The following ESR1 variants were observed in gnomAD, a reference collection of about 807,000 sequenced individuals.
ESR1 encodes the protein estrogen receptor 1.
Under a neutral mutation model 52.7 loss-of-function variants are expected in ESR1, and 12 were observed. The observed-to-expected ratio is 0.23, with a 90% CI of 0.15 to 0.37. The LOEUF is 0.37. Ranked by LOEUF, ESR1 falls within the 10% of genes least tolerant of loss-of-function variation. The pLI is 1.00. For missense variants in ESR1, 584 were observed against 779.7 expected, an observed-to-expected ratio of 0.75 and a Z score of 2.99; for synonymous variants, 305 against 316.8, an observed-to-expected ratio of 0.96 and a Z score of 0.39.
At chr6:151,838,799 C>T (rs774593778) in intron 1 of ESR1, among the ~76,000 whole-genome samples, 17 of 152,106 alleles carry the variant, frequency 1.1e-4, no homozygotes, top group Admixed American at 4.6e-4. Context: ...TCCCCGTCTT[C>T]TTTAGATGCC....
chr6:151,714,828 C>G (rs1339256259), intron 2 of ESR1, among the ~76,000 whole-genome samples: 2 of 152,074 alleles, frequency 1.3e-5, no homozygotes, highest in Non-Finnish European at 2.9e-5. Context: ...GGGCATTTAA[C>G]CTGTTTACAT....
intron 6 of ESR1, among the ~76,000 whole-genome samples, chr6:152,108,392 A>G (rs1196289479): frequency 6.6e-6 from 1 of 152,150 alleles, no homozygotes; most frequent in Non-Finnish European, 1.5e-5. Flanking sequence ...AATTTCAGCA[A>G]TTTTTCAATA....
intron 2 of ESR1, among the ~76,000 whole-genome samples, chr6:151,779,911 A>AG (rs2128120231): frequency 6.9e-6 from 1 of 143,928 alleles, no homozygotes; most frequent in African/African-American, 2.6e-5. Context: ...AAAAAAAAAA[A>AG]AAAAAAAAAG....
chr6:151,820,720 T>C (rs532508526), intron 1 of ESR1, among the ~76,000 whole-genome samples: 1 of 152,378 alleles, frequency 6.6e-6, no homozygotes, highest in South Asian at 2.1e-4. Flanking sequence ...TCTTAGACTG[T>C]GTCCCGAGGC....
intron 5 of ESR1, among the ~76,000 whole-genome samples, chr6:152,048,361 CAA>C (rs1180207041): frequency 1.4e-3 from 87 of 62,274 alleles, no homozygotes; most frequent in African/African-American, 5.4e-3. Context: ...GACACCATCT[CAA>C]AAAAAAAAAA....
At chr6:152,056,311 G>T (rs2047097454) in intron 5 of ESR1, among the ~76,000 whole-genome samples, 1 of 152,178 alleles carries the variant, frequency 6.6e-6, no homozygotes, top group African/African-American at 2.4e-5. Flanking sequence ...ATTTTGAACA[G>T]CATCTTAATT....
At chr6:151,876,550 T>TAATG in intron 2 of ESR1, among the ~76,000 whole-genome samples, 1 of 152,154 alleles carries the variant, frequency 6.6e-6, no homozygotes, top group East Asian at 1.9e-4. Flanking sequence ...ACTTTCTGTG[T>TAATG]AATGACAACA....
chr6:151,690,264 C>T (rs533705590), upstream of ESR1, among the ~76,000 whole-genome samples: 27 of 152,030 alleles, frequency 1.8e-4, no homozygotes, highest in Middle Eastern at 3.4e-3. Flanking sequence ...AGCTTTATTA[C>T]GAATAAAGAG....
At chr6:151,898,377 T>G (rs1341997127) in intron 3 of ESR1, among the ~76,000 whole-genome samples, 1 of 151,490 alleles carries the variant, frequency 6.6e-6, no homozygotes, top group Non-Finnish European at 1.5e-5. Context: ...TCTTGGAGGT[T>G]TTGTTCATTT....
chr6:152,114,845 C>A (rs962881349), intron 6 of ESR1, among the ~76,000 whole-genome samples: 4 of 133,428 alleles, frequency 3.0e-5, no homozygotes, highest in East Asian at 2.5e-4. Flanking sequence ...GAGCCGAGAT[C>A]GCGCCACTGC....
intron 4 of ESR1, among the ~76,000 whole-genome samples, chr6:151,962,645 C>G (rs1440633282): frequency 6.6e-6 from 1 of 152,250 alleles, no homozygotes; most frequent in Non-Finnish European, 1.5e-5. Flanking sequence ...CTTCTTACCA[C>G]AGCCCCCTAT....
chr6:151,657,366 A>G (rs1777490734), intron 1 of ESR1, among the ~76,000 whole-genome samples: 1 of 152,222 alleles, frequency 6.6e-6, no homozygotes. Context: ...ACATTACATT[A>G]TAATAGTTTT....
intron 2 of ESR1, among the ~76,000 whole-genome samples, chr6:151,712,896 G>A (rs1223365374): frequency 6.6e-6 from 1 of 152,154 alleles, no homozygotes; most frequent in South Asian, 2.1e-4. Context: ...TGGTGAAAGA[G>A]GATATCCTTG....
chr6:151,857,352 G>A lies in ESR1; in HGVS notation c.643+14565G>A, dbSNP rs562656907. ...TGCGTAGGTTATATGCAAATATTAT[G>A]TCATTTTATATAAGGGACTTAAACA... is the stretch of plus-strand genomic sequence containing the variant. On this transcript the variant is annotated intron_variant, in intron 2 of 7. Transcript: ENST00000206249. 1.8e-4 allele frequency among the ~76,000 whole-genome samples: 28 copies of A among 152,010 alleles called. 1 individual carries two copies. The South Asian group carries it at 5.6e-3, about 30-fold the overall frequency.
At position 152,098,708 on chromosome 6, in the gene ESR1, C is replaced by A. The variant is rs1201753505; in HGVS notation, c.1554-24C>A. 1.9e-6 allele frequency: 3 copies of A among 1,603,166 alleles called. No individual in the cohort carries two copies. Among genetic ancestry groups the A allele is most frequent in the African/African-American group, 2.7e-5 (2 of 74,778 alleles). On this transcript the variant is annotated intron_variant, in intron 7 of 7. Transcript: ENST00000206249. This position sits in a 1 kb window ranked among gnomAD's most constrained non-coding sequence, Gnocchi z 5.1. ...GGCTCGGGTTGGCTCTAAAGTAGTCCTTTCTGTGTCTTCCCACCTACAGTA... is the reference window on the plus strand; with the variant it reads ...GGCTCGGGTTGGCTCTAAAGTAGTCATTTCTGTGTCTTCCCACCTACAGTA...
intron 1 of ESR1, among the ~76,000 whole-genome samples, chr6:151,659,823 T>A (rs1269921102): frequency 6.6e-6 from 1 of 152,176 alleles, no homozygotes; most frequent in Non-Finnish European, 1.5e-5. Flanking sequence ...TCCCTAAAAT[T>A]CATAGCAGAT....
chr6:152,000,802 G>A (rs1056237577), intron 4 of ESR1, among the ~76,000 whole-genome samples: 4 of 151,922 alleles, frequency 2.6e-5, no homozygotes, highest in African/African-American at 9.7e-5. Flanking sequence ...GTCTTTTTTA[G>A]TAACCCCAAT....
At chr6:151,733,381 C>T (rs1404950947) in intron 2 of ESR1, among the ~76,000 whole-genome samples, 1 of 152,184 alleles carries the variant, frequency 6.6e-6, no homozygotes, top group Non-Finnish European at 1.5e-5. Flanking sequence ...ATTCCCTCTG[C>T]TTAATTGTAT....
At chr6:151,662,370 C>T (rs998027197) in intron 1 of ESR1, among the ~76,000 whole-genome samples, 24 of 152,114 alleles carry the variant, frequency 1.6e-4, no homozygotes, top group Non-Finnish European at 2.9e-5. Context: ...GAGAACTGAT[C>T]ATTTCCTTTC....
Sources: allele counts gnomAD v4.1 joint callset (sites outside exome capture counted in the v4.1 genomes callset), GRCh38; gene constraint gnomAD v4.1.1; non-coding constraint Gnocchi (gnomAD v3.1); transcripts MANE v1.5; gene names NCBI Gene and HGNC (gene_info 2026-07-23, HGNC 2026-07-21).